Variants in ZSCAN20 observed in about 807,000 individuals in gnomAD.
ZSCAN20 encodes zinc finger and SCAN domain containing 20, also known as zinc finger and SCAN domain-containing protein 20.
A neutral mutation model predicts 97.1 loss-of-function variants in ZSCAN20; 39 were observed. The ratio of observed to expected loss-of-function variants is 0.40; its 90% CI spans 0.31 to 0.52. ZSCAN20 has a LOEUF of 0.52. ZSCAN20 is among the 20% of genes least tolerant of loss of function. The probability of loss-of-function intolerance (pLI) is 0.49; values close to 1 mark genes in which losing one functional copy is unlikely to be tolerated. For synonymous variants in ZSCAN20, 456 were observed against 467.3 expected (o/e 0.98, Z 0.31); for missense variants, 1,115 against 1,290.4 (o/e 0.86, Z 2.08).
Position 33,479,603 on chromosome 1 carries a change from G to A in ZSCAN20, c.315G>A (p.Arg105=). 1 of 1,613,728 alleles carries A rather than the reference G, an allele frequency of 6.2e-7. No individual in the cohort carries two copies. Among genetic ancestry groups the A allele is most frequent in the Non-Finnish European group, 8.5e-7 (1 of 1,179,810 alleles). ...VLEQFLTILP[R]EVQTWVQARH... ...AGCAGTTCCTGACTATCTTGCCTAGGGAGGTCCAGACCTGGGTGCAGGCAC... is the reference window on the plus strand; with the variant it reads ...AGCAGTTCCTGACTATCTTGCCTAGAGAGGTCCAGACCTGGGTGCAGGCAC... The change falls in exon 2 of 8, where the codon AGG becomes AGA. Residue 105 remains arginine (R), a synonymous_variant. Transcript: ENST00000684572.
intron 2 of ZSCAN20, among the ~76,000 whole-genome samples, chr1:33,484,815 T>C (rs1447905019): frequency 2.0e-5 from 3 of 151,794 alleles, no homozygotes; most frequent in Non-Finnish European, 2.9e-5. Context: ...GGAGATGGGG[T>C]TTCACCATAT....
At chr1:33,473,215 A>G (rs371461242) in intron 1 of ZSCAN20, among the ~76,000 whole-genome samples, 1 of 152,254 alleles carries the variant, frequency 6.6e-6, no homozygotes, top group African/African-American at 2.4e-5. Flanking sequence ...GTCTTATGGA[A>G]GTCAGTGGCA....
In ZSCAN20 at chr1:33,495,063, G is replaced by GA; in HGVS notation, c.2721dup (p.Cys908MetfsTer7). 6.2e-7 allele frequency: 1 copy of GA among 1,612,342 alleles called. No homozygotes were observed. The highest frequency in any genetic ancestry group is 8.5e-7 in the Non-Finnish European group (1 of 1,178,734). On this transcript the variant is annotated frameshift_variant, in exon 8 of 8. Coordinates refer to ENST00000684572, the MANE Select transcript of ZSCAN20 (RefSeq NM_001377376.1). LOFTEE classifies it high-confidence loss of function. ...GGGAGAGAAACCATATGAATGTGCCGAATGTGGGAAAAGCTTCAGTAAGAG... is the reference window on the plus strand; with the variant it reads ...GGGAGAGAAACCATATGAATGTGCCGAAATGTGGGAAAAGCTTCAGTAAGAG...
In ZSCAN20 at chr1:33,488,567, C is replaced by T. The variant is rs199800000; in HGVS notation, c.520C>T (p.Gln174Ter). 1 of 1,613,266 alleles carries T rather than the reference C, an allele frequency of 6.2e-7. No homozygotes were observed. Among genetic ancestry groups the T allele is most frequent in the Non-Finnish European group, 8.5e-7 (1 of 1,179,854 alleles). ...GGATCCCTGGCCTGAGGGACAGTCC[C>T]AGAAGAAGGGGGTGAAGAATACATG... ...PVDPWPEGQS[Q>*]KKGVKNTCPD... The change falls in exon 3 of 8, where the codon CAG (glutamine) becomes TAG (stop). Residue 174 changes from glutamine (Q) to a stop codon, truncating the protein, a stop_gained. Coordinates refer to ENST00000684572, the MANE Select transcript of ZSCAN20 (RefSeq NM_001377376.1). LOFTEE classifies it high-confidence loss of function.
chr1:33,489,246 C>T, intron 4 of ZSCAN20, 55 bp downstream of exon 4: 1 of 1,550,998 alleles, frequency 6.4e-7, no homozygotes, highest in Non-Finnish European at 8.9e-7. Context: ...TGCTCTTGCC[C>T]CCACAGTGTT....
rs373205697 is a variant in ZSCAN20, at chr1:33,491,098, A to T, written c.840A>T (p.Ile280=). The T allele has an allele frequency of 2.5e-5, 41 of 1,613,882 alleles. No individual in the cohort carries two copies. The highest frequency in any genetic ancestry group is 3.5e-5 in the Non-Finnish European group (41 of 1,180,030). Residue 280 remains isoleucine, a synonymous_variant, in exon 6 of 8, where the codon ATA becomes ATT. Coordinates refer to ENST00000684572, the MANE Select transcript of ZSCAN20 (RefSeq NM_001377376.1). The surrounding 1 kb of genome is among the most constrained non-coding windows in gnomAD (Gnocchi z 4.3). ...QGPEFWGLSL[I]NSGKRSTADY... ...CAGAGTTTTGGGGTCTAAGTCTTAT[A>T]AATTCTGGGAAAAGGAGCACTGCAG...
rs937932828 is a variant in ZSCAN20 at position 33,500,382 on chromosome 1, CAGAG to C, written c.*4909_*4912del. Among the ~76,000 whole-genome samples the C allele has an allele frequency of 1.2e-3, 125 of 103,940 alleles. No homozygotes were observed. The highest frequency in any genetic ancestry group is 5.5e-3 in the African/African-American group (114 of 20,660). The allele number at this position is 103,940 out of a possible 152,430, so 68.2% of individuals were successfully genotyped here. On this transcript the variant is annotated 3_prime_UTR_variant, in exon 8 of 8. Coordinates refer to ENST00000684572, the MANE Select transcript of ZSCAN20 (RefSeq NM_001377376.1). ...ATTTTATGCTGCTTGGAGGAAGAGA[CAGAG>C]AGTTTGAGAGGTCCCAGTTCTTTTC...
intron 2 of ZSCAN20, among the ~76,000 whole-genome samples, chr1:33,485,277 G>A (rs980562307): frequency 1.3e-5 from 2 of 152,176 alleles, no homozygotes; most frequent in Non-Finnish European, 2.9e-5. Flanking sequence ...GTTGTCAAGT[G>A]TGTGGCCATA....
Position 33,494,823 on chromosome 1 carries a change from C to T in ZSCAN20, c.2479C>T (p.Pro827Ser). 12 of 1,614,128 alleles carry T rather than the reference C, an allele frequency of 7.4e-6. No homozygotes were observed. The highest frequency in any genetic ancestry group is 1.0e-5 in the Non-Finnish European group (12 of 1,180,016). The change falls in exon 8 of 8, where the codon CCT becomes TCT. Residue 827 changes from proline to serine, a missense_variant. By Grantham distance (74) the Pro-to-Ser change is moderately conservative. Transcript: ENST00000684572. The stretch of plus-strand genomic sequence containing the variant: ...AGGAAATCCTGACCAGTGTAGTGAG[C>T]CTGGGGGAAACTTTGCCCAAAGCCC... ...LGGNPDQCSE[P>S]GGNFAQSPSF...
chr1:33,473,003 G>T (rs1180795515), intron 1 of ZSCAN20, among the ~76,000 whole-genome samples: 2 of 151,998 alleles, frequency 1.3e-5, no homozygotes, highest in Non-Finnish European at 2.9e-5. Context: ...ACAGAGGAAA[G>T]GATAGAGGGT....
rs772870454 is a variant in ZSCAN20, at chr1:33,490,992, A to G, written c.767-33A>G. 15 of 1,552,100 alleles carry G rather than the reference A, an allele frequency of 9.7e-6. No homozygotes were observed. In the Admixed American group the frequency reaches 1.0e-4, roughly 11 times the overall value. On this transcript the variant is annotated intron_variant, in intron 5 of 7. Transcript: ENST00000684572. ...GGACAAACATGCCGCTCAACAGACC[A>G]TTTCTACTCTGTCATTTCTCTTCCT...
At chr1:33,492,478 A>G (rs1257685720) in intron 6 of ZSCAN20, 1 of 152,224 alleles carries the variant, frequency 6.6e-6, no homozygotes, top group Non-Finnish European at 1.5e-5. Context: ...ATGTTTTGTT[A>G]AAAGGAGAAT....
rs1357300284 is a variant in ZSCAN20 at position 33,489,500 on chromosome 1, G to C, written c.682-18G>C. ...AAGGTCAGTGATGTTTGGGGTCCTT[G>C]TCTTGTGCATCTCGCAGGAAGCCCT... is the stretch of plus-strand genomic sequence containing the variant. On this transcript the variant is annotated intron_variant, in intron 4 of 7. Coordinates refer to ENST00000684572, the MANE Select transcript of ZSCAN20 (RefSeq NM_001377376.1). 7.4e-6 allele frequency: 12 copies of C among 1,613,856 alleles called. No individual in the cohort carries two copies. The highest frequency in any genetic ancestry group is 1.0e-5 in the Non-Finnish European group (12 of 1,179,824).
At position 33,479,799 on chromosome 1, in the gene ZSCAN20, A is replaced by T. The variant is rs532041560; in HGVS notation, c.417+94A>T. 1.2e-5 allele frequency: 16 copies of T among 1,297,780 alleles called. No homozygotes were observed. The African/African-American group carries it at 2.4e-4, about 19-fold the overall frequency. The allele number at this position is 1,297,780 out of a possible 1,614,324, so 80.4% of individuals were successfully genotyped here. On this transcript the variant is annotated intron_variant, in intron 2 of 7. Coordinates refer to ENST00000684572, the MANE Select transcript of ZSCAN20 (RefSeq NM_001377376.1). ...TAATTGCCAAATTCACAATAAAAAT[A>T]ACAATAGTTATTGAGAACTGACACT...
Position 33,499,901 on chromosome 1 carries a change from C to T in ZSCAN20, c.*4425C>T, listed in dbSNP as rs973545727. ...GTTTTGATCCCATCCTCCATTTGGG[C>T]ATTGCTCAGCTCCCCCACCTGTTAA... is the stretch of plus-strand genomic sequence containing the variant. On this transcript the variant is annotated 3_prime_UTR_variant, in exon 8 of 8. Coordinates refer to ENST00000684572, the MANE Select transcript of ZSCAN20 (RefSeq NM_001377376.1). Among the ~76,000 whole-genome samples the T allele has an allele frequency of 6.6e-6, 1 of 152,088 alleles. No individual in the cohort carries two copies. The highest frequency in any genetic ancestry group is 1.5e-5 in the Non-Finnish European group (1 of 68,004).
At position 33,501,222 on chromosome 1, in the gene ZSCAN20, A is replaced by G. The variant is rs545405988; in HGVS notation, c.*5746A>G. Among the ~76,000 whole-genome samples the G allele has an allele frequency of 1.3e-5, 2 of 152,304 alleles. No homozygotes were observed. Among genetic ancestry groups the G allele is most frequent in the South Asian group, 4.2e-4 (2 of 4,818 alleles). Reference sequence around the variant, plus strand: ...AATAGATGGAGAGGTAAGGCCAGCTAGGCTGGAGCGCCAGCATCAGTAGTA... The same window carrying G: ...AATAGATGGAGAGGTAAGGCCAGCTGGGCTGGAGCGCCAGCATCAGTAGTA... On this transcript the variant is annotated 3_prime_UTR_variant, in exon 8 of 8. Coordinates refer to ENST00000684572, the MANE Select transcript of ZSCAN20 (RefSeq NM_001377376.1).
chr1:33,481,918 A>G (rs1432137752), intron 2 of ZSCAN20, among the ~76,000 whole-genome samples: 1 of 152,174 alleles, frequency 6.6e-6, no homozygotes, highest in Non-Finnish European at 1.5e-5. Context: ...TCAAACTCAC[A>G]GCAAAATTGA....
At chr1:33,488,811 A>G (rs1301098147) in intron 3 of ZSCAN20, among the ~76,000 whole-genome samples, 160 bp downstream of exon 3, 1 of 152,186 alleles carries the variant, frequency 6.6e-6, no homozygotes, top group Non-Finnish European at 1.5e-5. Context: ...AAGCCTCGTA[A>G]AGAGGCTGTG....
At chr1:33,477,395 GA>G (rs1394965412) in intron 1 of ZSCAN20, among the ~76,000 whole-genome samples, 1 of 152,012 alleles carries the variant, frequency 6.6e-6, no homozygotes, top group Non-Finnish European at 1.5e-5. Context: ...TTCCCACTTG[GA>G]AGCAGCTAAT....
Sources: gnomAD v4.1 joint callset for allele counts (sites outside exome capture counted in the v4.1 genomes callset) on GRCh38, gnomAD v4.1.1 for gene constraint, Gnocchi (gnomAD v3.1) non-coding constraint, MANE v1.5 for transcripts, NCBI Gene and HGNC (gene_info 2026-07-23, HGNC 2026-07-21) for gene names.